UNC13C: variants seen among roughly 807,000 people sequenced by gnomAD.
The protein encoded by UNC13C is protein unc-13 homolog C.
UNC13C carries 174 observed loss-of-function variants against 245.4 expected under a neutral mutation model. That is an observed-to-expected ratio of 0.71 (90% CI 0.63 to 0.80). The LOEUF is 0.80. Ranked by LOEUF, UNC13C falls within the 30% of genes least tolerant of loss-of-function variation. The pLI, the probability that UNC13C is intolerant of heterozygous loss-of-function variation, is 0.00. For missense variants in UNC13C, 2,829 were observed against 2,602.9 expected (o/e 1.09, Z -1.89); for synonymous variants, 992 against 895.1 (o/e 1.11, Z -1.93).
chr15:54,422,689 T>C (rs1439207760), intron 19 of UNC13C, among the ~76,000 whole-genome samples: 2 of 151,860 alleles, frequency 1.3e-5, no homozygotes. Flanking sequence ...CATAGAGGGC[T>C]CCTTTCCATT....
In UNC13C at chr15:54,013,363, A is replaced by G. The variant is rs201347376; in HGVS notation, c.460A>G (p.Arg154Gly). The G allele has an allele frequency of 1.1e-4, 185 of 1,613,824 alleles. No individual in the cohort carries two copies. Among genetic ancestry groups the G allele is most frequent in the Non-Finnish European group, 1.5e-4 (175 of 1,179,884 alleles). The change falls in exon 2 of 33, where the codon AGA becomes GGA. Residue 154 changes from arginine (R) to glycine (G), a missense_variant. Physicochemically the swap from Arg to Gly is moderately radical, Grantham distance 125 (BLOSUM62 -2). Transcript: ENST00000260323. ...ACACACAATGCCAGTTAGACGCAAC[A>G]GAAAGAGTTCAAGCAGCCTTGCACC... ...STHTMPVRRN[R>G]KSSSSLAPSE... is the part of the protein sequence containing the mutation.
chr15:54,285,427 C>G (rs1458999892), intron 10 of UNC13C, among the ~76,000 whole-genome samples: 1 of 152,076 alleles, frequency 6.6e-6, no homozygotes, highest in African/African-American at 2.4e-5. Context: ...AAGTGAGATA[C>G]CGATATTGCA....
chr15:53,878,997 T>C, the UNC13C span, among the ~76,000 whole-genome samples: 2 of 152,224 alleles, frequency 1.3e-5, no homozygotes, highest in African/African-American at 4.8e-5. Flanking sequence ...AATCTGAGTA[T>C]GGCTCCCTGA....
At chr15:54,567,041 A>G (rs931011865) in intron 29 of UNC13C, among the ~76,000 whole-genome samples, 4 of 152,110 alleles carry the variant, frequency 2.6e-5, no homozygotes, top group African/African-American at 9.7e-5. Flanking sequence ...TAGTTCTATC[A>G]TATATCTCTA....
chr15:54,288,369 T>C (rs540774960), intron 10 of UNC13C, among the ~76,000 whole-genome samples: 5 of 152,238 alleles, frequency 3.3e-5, no homozygotes, highest in South Asian at 4.1e-4. Context: ...AAGGTGAAAG[T>C]AAATTAAAAA....
intron 1 of UNC13C, among the ~76,000 whole-genome samples, chr15:53,980,785 C>T (rs1893895824): frequency 6.6e-6 from 1 of 152,160 alleles, no homozygotes; most frequent in Non-Finnish European, 1.5e-5. Flanking sequence ...AAAGTGTTAG[C>T]AAAGCCTAGA....
chr15:54,203,740 A>G (rs950358514), intron 4 of UNC13C, among the ~76,000 whole-genome samples: 2 of 101,354 alleles, frequency 2.0e-5, no homozygotes, highest in Non-Finnish European at 5.0e-5. Flanking sequence ...ACATATACAT[A>G]TATATGTATA....
intron 2 of UNC13C, among the ~76,000 whole-genome samples, chr15:54,026,176 G>A (rs1896100915): frequency 6.6e-6 from 1 of 152,160 alleles, no homozygotes; most frequent in Admixed American, 6.5e-5. Flanking sequence ...GAAACAAAAT[G>A]CAAATGGGAT....
chr15:54,114,175 G>A (rs962796960), intron 2 of UNC13C, among the ~76,000 whole-genome samples: 2 of 152,152 alleles, frequency 1.3e-5, no homozygotes, highest in African/African-American at 2.4e-5. Flanking sequence ...TCTTTCTATA[G>A]ATTATTTTCT....
the UNC13C span, among the ~76,000 whole-genome samples, chr15:53,950,320 C>A: frequency 3.9e-5 from 6 of 152,122 alleles, no homozygotes; most frequent in African/African-American, 9.7e-5. Flanking sequence ...AGAGGCTAAG[C>A]AATTTGCCCA....
chr15:54,005,430 G>C (rs1393658047), intron 1 of UNC13C, among the ~76,000 whole-genome samples: 1 of 152,122 alleles, frequency 6.6e-6, no homozygotes, highest in Non-Finnish European at 1.5e-5. Context: ...CTTTGGACTA[G>C]ATACTCAGGC....
intron 2 of UNC13C, among the ~76,000 whole-genome samples, chr15:54,135,242 A>G (rs996941256): frequency 6.6e-6 from 1 of 152,150 alleles, no homozygotes; most frequent in African/African-American, 2.4e-5. Context: ...ATTTTCTCCC[A>G]TTTCACGGTT....
At chr15:54,133,164 G>T (rs1261940454) in intron 2 of UNC13C, among the ~76,000 whole-genome samples, 5 of 152,106 alleles carry the variant, frequency 3.3e-5, no homozygotes, top group African/African-American at 1.2e-4. Context: ...AGAGCTAGAA[G>T]ATTTAGATAG....
At chr15:54,272,580 G>C (rs1198725805) in intron 10 of UNC13C, among the ~76,000 whole-genome samples, 1 of 152,178 alleles carries the variant, frequency 6.6e-6, no homozygotes, top group African/African-American at 2.4e-5. Flanking sequence ...AAAGCAAGGA[G>C]TTTAGTCACA....
chr15:54,417,305 T>G (rs2040543169), intron 19 of UNC13C, among the ~76,000 whole-genome samples: 2 of 152,302 alleles, frequency 1.3e-5, no homozygotes, highest in South Asian at 4.1e-4. Context: ...CATCATTTTG[T>G]GACCGTCTTT....
chr15:54,457,779 A>G (rs1891610778), intron 19 of UNC13C, among the ~76,000 whole-genome samples: 1 of 151,700 alleles, frequency 6.6e-6, no homozygotes, highest in Admixed American at 6.6e-5. Context: ...TTTCTTGGTT[A>G]ATCTCACTAA....
chr15:53,897,604 A>G, the UNC13C span, among the ~76,000 whole-genome samples: 88 of 152,298 alleles, frequency 5.8e-4, no homozygotes, highest in African/African-American at 2.0e-3. Flanking sequence ...ATGGCAATAC[A>G]TTACAACTCA....
At chr15:54,399,228 CTT>C (rs948614614) in intron 18 of UNC13C, among the ~76,000 whole-genome samples, 1 of 151,556 alleles carries the variant, frequency 6.6e-6, no homozygotes, top group Non-Finnish European at 1.5e-5. Flanking sequence ...TTCACAGTGA[CTT>C]ATATTTTGAT....
rs1214823139 is a variant in UNC13C at position 54,599,018 on chromosome 15, C to T, written c.6107-23309C>T. ...AAAAAGCTATTCTAATCATATTCTA[C>T]TTTTCCCTACTTAATTTCTCATAAT... On this transcript the variant is annotated intron_variant, in intron 30 of 32. Coordinates refer to ENST00000260323, the MANE Select transcript of UNC13C (RefSeq NM_001080534.3). 5.3e-5 allele frequency among the ~76,000 whole-genome samples: 8 copies of T among 152,122 alleles called. 1 individual carries two copies. Among genetic ancestry groups the T allele is most frequent in the Admixed American group, 5.2e-4 (8 of 15,268 alleles).
Sources: allele counts gnomAD v4.1 joint callset (sites outside exome capture counted in the v4.1 genomes callset), GRCh38; gene constraint gnomAD v4.1.1; transcripts MANE v1.5; gene names NCBI Gene and HGNC (gene_info 2026-07-23, HGNC 2026-07-21).